The following TOM1 variants were observed in gnomAD, a reference collection of about 807,000 sequenced individuals.
TOM1 encodes the protein target of Myb protein 1.
In TOM1, 38 loss-of-function variants were observed where a neutral mutation model predicts 61.3. The observed-to-expected ratio is 0.62, with a 90% CI of 0.48 to 0.81. The LOEUF is 0.81. TOM1 is among the 40% of genes least tolerant of loss of function. The pLI, the probability that TOM1 is intolerant of heterozygous loss-of-function variation, is 0.00. For synonymous variants in TOM1, 270 were observed against 268.8 expected (o/e 1.00, Z -0.04); for missense variants, 591 against 659.6 (o/e 0.90, Z 1.14).
In TOM1 at chr22:35,347,407, C is replaced by T. The variant is rs1362241068; in HGVS notation, c.*198C>T. The T allele has an allele frequency of 1.9e-6, 1 of 523,532 alleles. No individual in the cohort carries two copies. The highest frequency in any genetic ancestry group is 3.3e-6 in the Non-Finnish European group (1 of 303,412). The allele number at this position is 523,532 out of a possible 1,614,324, so 32.4% of individuals were successfully genotyped here. ...GGATGAACTGGGGGACAGGTCTGCGCTGCAGTGGGATCTGGCTGCTCTGCC... is the reference window on the plus strand; with the variant it reads ...GGATGAACTGGGGGACAGGTCTGCGTTGCAGTGGGATCTGGCTGCTCTGCC... On this transcript the variant is annotated 3_prime_UTR_variant, in exon 15 of 15. Coordinates refer to ENST00000449058, the MANE Select transcript of TOM1 (RefSeq NM_005488.3).
At chr22:35,318,937 G>T (rs1275675520) in intron 2 of TOM1, among the ~76,000 whole-genome samples, 1 of 152,240 alleles carries the variant, frequency 6.6e-6, no homozygotes, top group Non-Finnish European at 1.5e-5. Flanking sequence ...CTGGATGCAG[G>T]TGGAGGGCAG....
In TOM1 at chr22:35,337,180, C is replaced by T. The variant is rs146727337; in HGVS notation, c.1149-1533C>T. Among the ~76,000 whole-genome samples the T allele has an allele frequency of 3.0e-3, 462 of 152,264 alleles. 10 individuals carry two copies. The highest frequency in any genetic ancestry group is 0.029 in the Admixed American group (436 of 15,288). Reference sequence around the variant, plus strand: ...CTCGATCTCCTGACCTCGTGATCCGCGCGCCTTGGCCTCCCAAAGTGCTGG... The same window carrying T: ...CTCGATCTCCTGACCTCGTGATCCGTGCGCCTTGGCCTCCCAAAGTGCTGG... On this transcript the variant is annotated intron_variant, in intron 11 of 14. Coordinates refer to ENST00000449058, the MANE Select transcript of TOM1 (RefSeq NM_005488.3).
At chr22:35,334,474 C>A (rs750118972) in intron 11 of TOM1, 26 bp downstream of exon 11, 5 of 1,612,910 alleles carry the variant, frequency 3.1e-6, no homozygotes, top group South Asian at 2.2e-5. Context: ...CTGCCCTGGT[C>A]CCCTGCAGTT....
intron 1 of TOM1, among the ~76,000 whole-genome samples, chr22:35,308,345 G>T (rs188856679): frequency 4.7e-5 from 7 of 150,252 alleles, no homozygotes; most frequent in African/African-American, 7.3e-5. Flanking sequence ...GTGCAGTGGG[G>T]CAGTCTTGGC....
At chr22:35,339,853 G>A (rs1329651697) in intron 12 of TOM1, among the ~76,000 whole-genome samples, 1 of 150,416 alleles carries the variant, frequency 6.6e-6, no homozygotes, top group Non-Finnish European at 1.5e-5. Flanking sequence ...GCAGTGAGCC[G>A]AGATCCCGCC....
At chr22:35,344,520 G>T (rs954553107) in intron 12 of TOM1, 1 of 152,258 alleles carries the variant, frequency 6.6e-6, no homozygotes, top group African/African-American at 2.4e-5. Flanking sequence ...AGCCCGTCTG[G>T]CAGCTAAGAG....
intron 2 of TOM1, 60 bp from the exon 3 acceptor site, chr22:35,321,899 C>A: frequency 2.1e-6 from 3 of 1,410,400 alleles, no homozygotes; most frequent in Non-Finnish European, 3.0e-6. Context: ...TCTCCAGGGT[C>A]TCTGGTGTTA....
At chr22:35,324,996 C>T (rs1053430180) in intron 6 of TOM1, among the ~76,000 whole-genome samples, 1 of 152,336 alleles carries the variant, frequency 6.6e-6, no homozygotes, top group East Asian at 1.9e-4. Context: ...CCATGAGCTG[C>T]TTGTGGAGTG....
At chr22:35,308,275 C>CTTTTTT (rs138770) in intron 1 of TOM1, among the ~76,000 whole-genome samples, 7 of 129,442 alleles carry the variant, frequency 5.4e-5, no homozygotes, top group Non-Finnish European at 6.6e-5. Context: ...TTCCTTTTCT[C>CTTTTTT]TTTTTTTTTT....
intron 12 of TOM1, chr22:35,345,385 G>GCC: frequency 2.6e-6 from 1 of 385,496 alleles, no homozygotes; most frequent in South Asian, 3.1e-5. Flanking sequence ...CTGCAGCATA[G>GCC]CCCCTGCCCC....
intron 13 of TOM1, among the ~76,000 whole-genome samples, chr22:35,346,305 A>G (rs1930498101): frequency 4.6e-5 from 7 of 152,252 alleles, no homozygotes; most frequent in Admixed American, 4.6e-4. Context: ...TTCTCCGTCC[A>G]GGGCTCCTAC....
Position 35,323,216 on chromosome 22 carries a change from C to G in TOM1, c.366+39C>G. On this transcript the variant is annotated intron_variant, in intron 4 of 14. Transcript: ENST00000449058. The surrounding 1 kb of genome is among the most constrained non-coding windows in gnomAD (Gnocchi z 4.2). ...CAGGGCAGGGCACGGCCAGGAAGAG[C>G]TGTCAGTGCAGGAGCTTCCTGCCCA... 1 of 1,607,454 alleles carries G rather than the reference C, an allele frequency of 6.2e-7. No homozygotes were observed. The highest frequency in any genetic ancestry group is 8.5e-7 in the Non-Finnish European group (1 of 1,178,942).
At chr22:35,303,633 G>A (rs1262163421) in intron 1 of TOM1, among the ~76,000 whole-genome samples, 1 of 151,696 alleles carries the variant, frequency 6.6e-6, no homozygotes, top group Non-Finnish European at 1.5e-5. Flanking sequence ...GAGTAGCTGG[G>A]ATTAGAGGTG....
intron 1 of TOM1, among the ~76,000 whole-genome samples, chr22:35,314,536 C>G (rs1440806246): frequency 3.9e-5 from 6 of 152,170 alleles, no homozygotes; most frequent in Admixed American, 1.3e-4. Context: ...CCTTTAAAAG[C>G]CACTTACTTG....
At chr22:35,319,145 G>T (rs1319139380) in intron 2 of TOM1, among the ~76,000 whole-genome samples, 2 of 152,186 alleles carry the variant, frequency 1.3e-5, no homozygotes, top group Non-Finnish European at 2.9e-5. Flanking sequence ...AAAGCAGGAG[G>T]CAGAAAACCT....
At chr22:35,318,036 G>C (rs1927460853) in intron 2 of TOM1, 75 bp downstream of exon 2, 1 of 1,332,114 alleles carries the variant, frequency 7.5e-7, no homozygotes, top group Admixed American at 1.7e-5. Context: ...CACCCTTCCA[G>C]GGAGCCCCTG....
chr22:35,301,468 C>G (rs762401511), intron 1 of TOM1, among the ~76,000 whole-genome samples: 1 of 152,232 alleles, frequency 6.6e-6, no homozygotes, highest in Non-Finnish European at 1.5e-5. Context: ...AACAGCCACA[C>G]TTCTCCGGAG....
chr22:35,317,862 C>T lies in TOM1; in HGVS notation c.53-15C>T, dbSNP rs766114081. 3 of 1,612,532 alleles carry T rather than the reference C, an allele frequency of 1.9e-6. No homozygotes were observed. Among genetic ancestry groups the T allele is most frequent in the Non-Finnish European group, 2.5e-6 (3 of 1,178,508 alleles). On this transcript the variant is annotated splice_polypyrimidine_tract_variant and intron_variant, in intron 1 of 14. Coordinates refer to ENST00000449058, the MANE Select transcript of TOM1 (RefSeq NM_005488.3). ...GGACCCCCTCATGACTTTATGACTC[C>T]TGGTTTCTTCTCAGAGAAAGCCACA...
intron 11 of TOM1, among the ~76,000 whole-genome samples, chr22:35,337,307 C>T (rs1231255545): frequency 6.6e-6 from 1 of 152,188 alleles, no homozygotes; most frequent in East Asian, 1.9e-4. Context: ...CAGCCTTGCC[C>T]ACAATGCGCC....
Sources: allele counts gnomAD v4.1 joint callset (sites outside exome capture counted in the v4.1 genomes callset), GRCh38; gene constraint gnomAD v4.1.1; non-coding constraint Gnocchi (gnomAD v3.1); transcripts MANE v1.5; gene names NCBI Gene and HGNC (gene_info 2026-07-23, HGNC 2026-07-21).